Variants in AKAP19 observed in about 807,000 individuals in gnomAD.
AKAP19 encodes small A-kinase anchoring protein.
At chr2:190,098,201 G>A in the AKAP19 span, among the ~76,000 whole-genome samples, 14 of 152,250 alleles carry the variant, frequency 9.2e-5, no homozygotes, top group Admixed American at 3.3e-4. Context: ...AGGAATCACC[G>A]TCTATGGCAA....
At chr2:190,103,397 C>T in the AKAP19 span, among the ~76,000 whole-genome samples, 1 of 152,194 alleles carries the variant, frequency 6.6e-6, no homozygotes, top group East Asian at 1.9e-4. Context: ...AGAAGTGAAA[C>T]TATCTCTTGT....
chr2:190,019,542 C>T, the AKAP19 span, among the ~76,000 whole-genome samples: 2 of 151,982 alleles, frequency 1.3e-5, no homozygotes, highest in African/African-American at 2.4e-5. Flanking sequence ...CCACTGCTGG[C>T]AGGTACACAG....
chr2:190,024,775 C>T, the AKAP19 span, among the ~76,000 whole-genome samples: 1 of 152,128 alleles, frequency 6.6e-6, no homozygotes, highest in African/African-American at 2.4e-5. Flanking sequence ...CCTAATATTT[C>T]AGTCCTTCAT....
the AKAP19 span, among the ~76,000 whole-genome samples, chr2:190,070,388 A>T: frequency 6.6e-6 from 1 of 151,918 alleles, no homozygotes; most frequent in Admixed American, 6.6e-5. Flanking sequence ...AGTTACAAGG[A>T]GTTATATCTT....
At chr2:189,931,794 A>G in the AKAP19 span, among the ~76,000 whole-genome samples, 1 of 150,922 alleles carries the variant, frequency 6.6e-6, no homozygotes, top group African/African-American at 2.4e-5. Context: ...AATTTTTTGT[A>G]ATTTTTTGGG....
chr2:190,000,903 CT>C, the AKAP19 span, among the ~76,000 whole-genome samples: 1 of 151,970 alleles, frequency 6.6e-6, no homozygotes, highest in Non-Finnish European at 1.5e-5. Context: ...TTATGTAGTT[CT>C]TTTTCTGCCC....
chr2:190,163,923 A>G, the AKAP19 span: 1 of 152,208 alleles, frequency 6.6e-6, no homozygotes, highest in African/African-American at 2.4e-5. Context: ...TGCATCTATT[A>G]AATCTTTTTC....
chr2:190,057,507 A>G, the AKAP19 span: 9 of 1,613,526 alleles, frequency 5.6e-6, no homozygotes, highest in Non-Finnish European at 7.6e-6. Flanking sequence ...AATCCCATCC[A>G]AAAGCTTCAA....
At chr2:189,890,827 G>A in the AKAP19 span, among the ~76,000 whole-genome samples, 1 of 152,118 alleles carries the variant, frequency 6.6e-6, no homozygotes, top group Non-Finnish European at 1.5e-5. Context: ...CACATGAGAT[G>A]TGTCTCCTGA....
At chr2:189,892,511 T>A in the AKAP19 span, among the ~76,000 whole-genome samples, 44 of 152,334 alleles carry the variant, frequency 2.9e-4, no homozygotes, top group African/African-American at 1.0e-3. Flanking sequence ...TCTGCTGGTA[T>A]TTGCTGGTGG....
chr2:189,947,210 T>G, the AKAP19 span, among the ~76,000 whole-genome samples: 1 of 152,230 alleles, frequency 6.6e-6, no homozygotes, highest in East Asian at 1.9e-4. Flanking sequence ...TTAGCCCATA[T>G]GAAGAACTAG....
the AKAP19 span, among the ~76,000 whole-genome samples, chr2:190,094,556 T>A: frequency 2.6e-5 from 4 of 152,252 alleles, no homozygotes; most frequent in African/African-American, 9.6e-5. Flanking sequence ...TGCAAGTGTT[T>A]ATTCTTCTAT....
chr2:189,914,733 T>G, the AKAP19 span, among the ~76,000 whole-genome samples: 1 of 152,156 alleles, frequency 6.6e-6, no homozygotes, highest in African/African-American at 2.4e-5. Flanking sequence ...TATTAATATC[T>G]AACATTTATT....
the AKAP19 span, among the ~76,000 whole-genome samples, chr2:190,087,406 G>A: frequency 7.0e-4 from 106 of 152,274 alleles, 1 homozygote; most frequent in South Asian, 0.021. Flanking sequence ...TTGTACAAGC[G>A]CCAGGGTAGC....
At chr2:190,023,344 T>C in the AKAP19 span, among the ~76,000 whole-genome samples, 3 of 152,138 alleles carry the variant, frequency 2.0e-5, no homozygotes, top group African/African-American at 4.8e-5. Context: ...AGAAGCATAG[T>C]ACATCTTTTC....
chr2:190,018,544 C>G, the AKAP19 span, among the ~76,000 whole-genome samples: 1 of 151,874 alleles, frequency 6.6e-6, no homozygotes, highest in Non-Finnish European at 1.5e-5. Context: ...CACATGTTTT[C>G]TATTTGTTTA....
the AKAP19 span, among the ~76,000 whole-genome samples, chr2:190,138,710 C>A: frequency 6.6e-6 from 1 of 152,186 alleles, no homozygotes; most frequent in African/African-American, 2.4e-5. Context: ...GAGCTTACTT[C>A]ATTTTCAGTT....
the AKAP19 span, among the ~76,000 whole-genome samples, chr2:189,975,485 C>G: frequency 6.6e-6 from 1 of 152,116 alleles, no homozygotes; most frequent in South Asian, 2.1e-4. Context: ...CGAGGAGTAT[C>G]TTTGTGGCGT....
At chr2:190,038,425 C>T in the AKAP19 span, among the ~76,000 whole-genome samples, 1 of 152,178 alleles carries the variant, frequency 6.6e-6, no homozygotes, top group African/African-American at 2.4e-5. Context: ...CATTGCTACT[C>T]AATCACTCTG....
Sources: gnomAD v4.1 joint callset for allele counts (sites outside exome capture counted in the v4.1 genomes callset) on GRCh38, gnomAD v4.1.1 for gene constraint, MANE v1.5 for transcripts, NCBI Gene and HGNC (gene_info 2026-07-23, HGNC 2026-07-21) for gene names.